The following SLC26A3 variants were observed in gnomAD, a reference collection of about 807,000 sequenced individuals.
SLC26A3 encodes chloride anion exchanger.
In SLC26A3, 64 loss-of-function variants were observed where a neutral mutation model predicts 85.6. The observed-to-expected ratio is 0.75, with a 90% CI of 0.61 to 0.92. The LOEUF is 0.92. Ranked by LOEUF, SLC26A3 falls within the 40% of genes least tolerant of loss-of-function variation. SLC26A3 has a pLI of 0.00. For missense variants in SLC26A3, 922 were observed against 927.3 expected (o/e 0.99, Z 0.07); for synonymous variants, 349 against 336.0 (o/e 1.04, Z -0.42).
rs2115811951 is a variant in SLC26A3 at position 107,773,941 on chromosome 7, A to G, written c.1986T>C (p.Ser662=). ...DFSAVSFLDV[S]SVRGLKSILQ... is the part of the protein sequence containing the mutation. ...TTACCGATTTAAGGCCCCTCACTGA[A>G]GAAACATCAAGAAAGGACACTGCTG... The change falls in exon 17 of 21, where the codon TCT becomes TCC. Residue 662 remains serine (S), a synonymous_variant. Coordinates refer to ENST00000340010, the MANE Select transcript of SLC26A3 (RefSeq NM_000111.3). 6.2e-7 allele frequency: 1 copy of G among 1,613,864 alleles called. No homozygotes were observed. Among genetic ancestry groups the G allele is most frequent in the Middle Eastern group, 1.7e-4 (1 of 6,060 alleles).
intron 8 of SLC26A3, among the ~76,000 whole-genome samples, chr7:107,784,436 G>A (rs1484519950): frequency 6.6e-6 from 1 of 152,076 alleles, no homozygotes; most frequent in Non-Finnish European, 1.5e-5. Flanking sequence ...TGTAGAGTGA[G>A]GATAATAAAA....
chr7:107,774,402 G>C (rs1314263665), intron 16 of SLC26A3, among the ~76,000 whole-genome samples: 1 of 152,028 alleles, frequency 6.6e-6, no homozygotes, highest in Non-Finnish European at 1.5e-5. Flanking sequence ...AAATAAAAAA[G>C]TTAGCCAGGC....
At chr7:107,787,189 A>G (rs1794311437) in intron 7 of SLC26A3, among the ~76,000 whole-genome samples, 168 bp downstream of exon 7, 1 of 152,214 alleles carries the variant, frequency 6.6e-6, no homozygotes, top group Admixed American at 6.5e-5. Flanking sequence ...AAATCATAAG[A>G]GGAAGTTATT....
chr7:107,781,186 G>C (rs1794210067), intron 11 of SLC26A3, among the ~76,000 whole-genome samples: 1 of 152,180 alleles, frequency 6.6e-6, no homozygotes. Context: ...AATTTCCGCA[G>C]TAATCTGGTA....
chr7:107,778,070 C>T, intron 13 of SLC26A3, 105 bp downstream of exon 13: 2 of 780,318 alleles, frequency 2.6e-6, no homozygotes, highest in Non-Finnish European at 2.3e-6. Flanking sequence ...TAGAAATGCA[C>T]ACCTATCAAC....
At chr7:107,781,810 C>A (rs756154544) in intron 11 of SLC26A3, among the ~76,000 whole-genome samples, 14 of 152,144 alleles carry the variant, frequency 9.2e-5, no homozygotes, top group Non-Finnish European at 1.8e-4. Flanking sequence ...GCCTAGGTAA[C>A]AGCCAATAGA....
chr7:107,769,775 G>C (rs1369097871), intron 18 of SLC26A3, among the ~76,000 whole-genome samples: 1 of 151,962 alleles, frequency 6.6e-6, no homozygotes, highest in Admixed American at 6.6e-5. Context: ...TATATTTTAG[G>C]GACAGGATCC....
intron 5 of SLC26A3, among the ~76,000 whole-genome samples, chr7:107,790,740 T>C (rs552178979): frequency 6.6e-6 from 1 of 152,316 alleles, no homozygotes; most frequent in East Asian, 1.9e-4. Context: ...TTCCCAGATA[T>C]GCTGTTTCTT....
At chr7:107,799,379 C>A (rs749176905) in intron 1 of SLC26A3, among the ~76,000 whole-genome samples, 1 of 151,930 alleles carries the variant, frequency 6.6e-6, no homozygotes, top group East Asian at 1.9e-4. Context: ...CATCAATTTT[C>A]TTTTCTTTTC....
chr7:107,781,546 G>A (rs1358431715), intron 11 of SLC26A3, among the ~76,000 whole-genome samples: 3 of 152,088 alleles, frequency 2.0e-5, no homozygotes, highest in African/African-American at 7.2e-5. Flanking sequence ...TCTCTGTAGG[G>A]GTGAGTGTGT....
chr7:107,793,665 T>C (rs1794442258), intron 3 of SLC26A3, 77 bp downstream of exon 3: 2 of 1,120,166 alleles, frequency 1.8e-6, no homozygotes, highest in Non-Finnish European at 2.6e-6. Flanking sequence ...CTAGTGAATA[T>C]ACGAAAAGTC....
intron 1 of SLC26A3, among the ~76,000 whole-genome samples, chr7:107,797,590 C>A (rs146754236): frequency 6.6e-6 from 1 of 152,116 alleles, no homozygotes; most frequent in East Asian, 1.9e-4. Flanking sequence ...CACCCATCCC[C>A]GCTTCCAAAA....
chr7:107,777,742 T>C (rs1234293680), intron 13 of SLC26A3, among the ~76,000 whole-genome samples: 9 of 152,150 alleles, frequency 5.9e-5, no homozygotes, highest in Admixed American at 5.9e-4. Flanking sequence ...ATTTTAAAGG[T>C]ACGAGGGCAA....
At chr7:107,791,794 C>T in intron 4 of SLC26A3, 36 bp downstream of exon 4, 6 of 1,302,588 alleles carry the variant, frequency 4.6e-6, no homozygotes, top group Non-Finnish European at 6.7e-6. Flanking sequence ...AAGGAAAAAA[C>T]AATGTGAGCA....
At chr7:107,779,797 G>A (rs754846966) in intron 11 of SLC26A3, 34 bp from the exon 12 acceptor site, 11 of 1,560,984 alleles carry the variant, frequency 7.0e-6, no homozygotes, top group Non-Finnish European at 8.8e-6. Context: ...TGTACTTTAA[G>A]TTAATGAAAT....
chr7:107,776,891 C>G, intron 13 of SLC26A3, 185 bp from the exon 14 acceptor site: 2 of 657,804 alleles, frequency 3.0e-6, no homozygotes, highest in South Asian at 1.7e-5. Flanking sequence ...TGTGTCCTCT[C>G]ACAGCACCTG....
At chr7:107,774,673 C>G in intron 16 of SLC26A3, 104 bp downstream of exon 16, 1 of 871,178 alleles carries the variant, frequency 1.1e-6, no homozygotes, top group South Asian at 1.3e-5. Flanking sequence ...ACATGAAATC[C>G]CTTGTTTATC....
chr7:107,777,922 A>G (rs992699006), intron 13 of SLC26A3, among the ~76,000 whole-genome samples: 2 of 152,236 alleles, frequency 1.3e-5, no homozygotes, highest in Non-Finnish European at 2.9e-5. Context: ...TATATGATTT[A>G]TTTGAACTGG....
Position 107,783,001 on chromosome 7 carries a change from C to G in SLC26A3, c.1212G>C (p.Glu404Asp). The G allele has an allele frequency of 6.2e-7, 1 of 1,614,170 alleles. No individual in the cohort carries two copies. Among genetic ancestry groups the G allele is most frequent in the Middle Eastern group, 1.6e-4 (1 of 6,062 alleles). The stretch of plus-strand genomic sequence containing the variant: ...ATACCTGTGTTTTGCCTCCTGTGCT[C>G]TCCTGAACTGCTGATCTGGAGAGGG... Reference protein sequence around the residue: ...STALSRSAVQESTGGKTQIAG... With the variant: ...STALSRSAVQDSTGGKTQIAG... The change falls in exon 10 of 21, where the codon GAG becomes GAC. Residue 404 changes from glutamate to aspartate, a missense_variant. Coordinates refer to ENST00000340010, the MANE Select transcript of SLC26A3 (RefSeq NM_000111.3).
Sources: allele counts gnomAD v4.1 joint callset (sites outside exome capture counted in the v4.1 genomes callset), GRCh38; gene constraint gnomAD v4.1.1; transcripts MANE v1.5; gene names NCBI Gene and HGNC (gene_info 2026-07-23, HGNC 2026-07-21).